Variants in KCNH5 observed in about 807,000 individuals in gnomAD.
KCNH5 encodes voltage-gated delayed rectifier potassium channel KCNH5.
Under a neutral mutation model 96.1 loss-of-function variants are expected in KCNH5, and 46 were observed. The ratio of observed to expected loss-of-function variants is 0.48; its 90% CI spans 0.38 to 0.61. The LOEUF (loss-of-function observed/expected upper bound fraction) is 0.61. Ranked by LOEUF, KCNH5 falls within the 20% of genes least tolerant of loss-of-function variation. KCNH5 has a pLI of 0.00. For synonymous variants in KCNH5, 439 were observed against 449.8 expected (o/e 0.98, Z 0.30); for missense variants, 907 against 1,225.8 (o/e 0.74, Z 3.88).
At chr14:62,854,415 G>A (rs1887890376) in intron 7 of KCNH5, among the ~76,000 whole-genome samples, 1 of 152,014 alleles carries the variant, frequency 6.6e-6, no homozygotes, top group Non-Finnish European at 1.5e-5. Flanking sequence ...TATACAGAAG[G>A]AATATACACT....
At chr14:62,845,912 T>C (rs986935210) in intron 8 of KCNH5, among the ~76,000 whole-genome samples, 2 of 152,080 alleles carry the variant, frequency 1.3e-5, no homozygotes, top group African/African-American at 4.8e-5. Flanking sequence ...GACTGCAGGA[T>C]ATCATGAAAG....
intron 7 of KCNH5, among the ~76,000 whole-genome samples, chr14:62,865,363 C>A (rs1374503595): frequency 6.7e-6 from 1 of 148,854 alleles, no homozygotes; most frequent in Non-Finnish European, 1.5e-5. Flanking sequence ...CTTATTCTTG[C>A]AGTTTTAGAC....
At chr14:62,735,137 CT>C (rs2139928725) in intron 10 of KCNH5, among the ~76,000 whole-genome samples, 1 of 152,214 alleles carries the variant, frequency 6.6e-6, no homozygotes, top group Admixed American at 6.5e-5. Flanking sequence ...TATCAGAGCT[CT>C]TGCAGGAAAT....
chr14:62,843,410 C>CTTTTTT (rs570775868), intron 8 of KCNH5, among the ~76,000 whole-genome samples: 1 of 111,990 alleles, frequency 8.9e-6, no homozygotes, highest in Non-Finnish European at 1.8e-5. Context: ...ATTTACATGG[C>CTTTTTT]TTTTTTTTTT....
At chr14:62,719,810 A>G (rs946025346) in intron 10 of KCNH5, among the ~76,000 whole-genome samples, 27 of 152,332 alleles carry the variant, frequency 1.8e-4, no homozygotes, top group African/African-American at 6.3e-4. Flanking sequence ...CAAGGACTCA[A>G]ATACAGAAGT....
At chr14:62,803,288 AC>A (rs1471704162) in intron 8 of KCNH5, among the ~76,000 whole-genome samples, 9 of 152,234 alleles carry the variant, frequency 5.9e-5, no homozygotes, top group African/African-American at 2.2e-4. Flanking sequence ...TTTTTTTATA[AC>A]TAAATCAAAA....
At chr14:62,801,208 T>C (rs929894528) in intron 9 of KCNH5, among the ~76,000 whole-genome samples, 2 of 152,118 alleles carry the variant, frequency 1.3e-5, no homozygotes, top group South Asian at 4.1e-4. Flanking sequence ...ATCTATCAGT[T>C]AATCTTTTAC....
At chr14:62,733,611 T>A (rs1885096821) in intron 10 of KCNH5, among the ~76,000 whole-genome samples, 1 of 152,204 alleles carries the variant, frequency 6.6e-6, no homozygotes, top group Non-Finnish European at 1.5e-5. Context: ...TTAGCTTTTG[T>A]GCCACTATTC....
Position 62,706,831 on chromosome 14 carries a change from A to T in KCNH5, c.*677T>A, listed in dbSNP as rs1208453149. ...AAGGAGGGAGTAGGGATTTCCTTAC[A>T]TAAGAGCTAATGATTACTATCTAAG... On this transcript the variant is annotated 3_prime_UTR_variant, in exon 11 of 11. Coordinates refer to ENST00000322893, the MANE Select transcript of KCNH5 (RefSeq NM_139318.5). 1.3e-5 allele frequency: 2 copies of T among 152,198 alleles called. No homozygotes were observed. The highest frequency in any genetic ancestry group is 2.9e-5 in the Non-Finnish European group (2 of 68,016). The allele number at this position is 152,198 out of a possible 1,614,324, so 9.4% of individuals were successfully genotyped here.
chr14:62,921,750 C>T (rs975586638), intron 7 of KCNH5, among the ~76,000 whole-genome samples: 8 of 152,068 alleles, frequency 5.3e-5, no homozygotes, highest in African/African-American at 1.9e-4. Context: ...ACTGACCTGG[C>T]TCTTGGGGTT....
chr14:62,798,103 A>C (rs1886577111), intron 9 of KCNH5, among the ~76,000 whole-genome samples: 1 of 152,170 alleles, frequency 6.6e-6, no homozygotes. Flanking sequence ...AGTTGATTTA[A>C]TTATGTTATT....
intron 10 of KCNH5, among the ~76,000 whole-genome samples, chr14:62,751,107 C>T: frequency 6.6e-6 from 1 of 152,038 alleles, no homozygotes; most frequent in Non-Finnish European, 1.5e-5. Context: ...GCAACAAAGC[C>T]TGATATTTAT....
chr14:62,712,748 T>C (rs1595589828), intron 10 of KCNH5: 1 of 773,078 alleles, frequency 1.3e-6, no homozygotes, highest in Non-Finnish European at 2.4e-6. Flanking sequence ...CAATTGAAGC[T>C]GTATACTTGC....
chr14:62,875,845 T>C (rs1008618410), intron 7 of KCNH5, among the ~76,000 whole-genome samples: 1 of 152,100 alleles, frequency 6.6e-6, no homozygotes, highest in Non-Finnish European at 1.5e-5. Flanking sequence ...TTGTCAATGT[T>C]ACGTTGTTGA....
intron 5 of KCNH5, among the ~76,000 whole-genome samples, chr14:62,986,130 C>T (rs1259730041): frequency 6.6e-6 from 1 of 152,166 alleles, no homozygotes; most frequent in African/African-American, 2.4e-5. Context: ...AGGACTTCCT[C>T]ACTGGTTTCC....
chr14:62,910,584 G>C (rs1889129848), intron 7 of KCNH5, among the ~76,000 whole-genome samples: 1 of 152,110 alleles, frequency 6.6e-6, no homozygotes, highest in African/African-American at 2.4e-5. Flanking sequence ...GGTAGTTTTG[G>C]AAAGAACATA....
intron 10 of KCNH5, among the ~76,000 whole-genome samples, chr14:62,718,888 T>C (rs1217832053): frequency 2.0e-5 from 3 of 152,158 alleles, no homozygotes; most frequent in African/African-American, 4.8e-5. Flanking sequence ...AGAAATACAG[T>C]ATAGACACAT....
At chr14:62,835,943 A>G (rs1035549954) in intron 8 of KCNH5, among the ~76,000 whole-genome samples, 7 of 152,090 alleles carry the variant, frequency 4.6e-5, no homozygotes, top group South Asian at 2.1e-4. Context: ...ATTTTTTTAA[A>G]AAGATAAATT....
intron 1 of KCNH5, among the ~76,000 whole-genome samples, chr14:63,032,563 C>G (rs887205517): frequency 6.6e-6 from 1 of 152,178 alleles, no homozygotes; most frequent in Non-Finnish European, 1.5e-5. Context: ...TTCAACAATG[C>G]TTATTGTCAA....
Sources: gnomAD v4.1 joint callset for allele counts (sites outside exome capture counted in the v4.1 genomes callset) on GRCh38, gnomAD v4.1.1 for gene constraint, MANE v1.5 for transcripts, NCBI Gene and HGNC (gene_info 2026-07-23, HGNC 2026-07-21) for gene names.